Variants in PTPRD observed in about 807,000 individuals in gnomAD.
PTPRD encodes the protein receptor-type tyrosine-protein phosphatase delta.
PTPRD carries 34 observed loss-of-function variants against 214.5 expected under a neutral mutation model. That is an observed-to-expected ratio of 0.16 (90% CI 0.12 to 0.21). The LOEUF (loss-of-function observed/expected upper bound fraction) is 0.21, where lower values mean the gene tolerates loss of function less well. Among genes scored for constraint, PTPRD ranks in the 10% least tolerant of loss-of-function variants. PTPRD has a pLI of 1.00. For missense variants in PTPRD, 2,545 were observed against 2,398.7 expected (o/e 1.06, Z -1.27); for synonymous variants, 1,128 against 845.7 (o/e 1.33, Z -5.79).
intron 8 of PTPRD, among the ~76,000 whole-genome samples, chr9:9,423,615 C>T (rs1418057507): frequency 6.6e-6 from 1 of 152,046 alleles, no homozygotes; most frequent in Non-Finnish European, 1.5e-5. Flanking sequence ...CAGATACGCA[C>T]TGAAAGTAAA....
chr9:9,432,904 T>C (rs1196561650), intron 8 of PTPRD, among the ~76,000 whole-genome samples: 1 of 152,112 alleles, frequency 6.6e-6, no homozygotes, highest in Non-Finnish European at 1.5e-5. Context: ...TCGTTATAAT[T>C]CCCAGAGTTG....
chr9:8,782,654 G>A (rs555955973), intron 11 of PTPRD, among the ~76,000 whole-genome samples: 3 of 147,316 alleles, frequency 2.0e-5, no homozygotes, highest in South Asian at 2.1e-4. Context: ...CTGAAGTGCA[G>A]TGGCACAATC....
At chr9:9,984,430 G>A (rs2095640856) in intron 4 of PTPRD, among the ~76,000 whole-genome samples, 1 of 152,178 alleles carries the variant, frequency 6.6e-6, no homozygotes, top group Non-Finnish European at 1.5e-5. Flanking sequence ...TAACCCACAG[G>A]ATGACAGAGA....
Position 9,890,837 on chromosome 9 carries a change from A to G in PTPRD, c.-368+47670T>C, listed in dbSNP as rs570132516. On this transcript the variant is annotated intron_variant, in intron 5 of 45. Coordinates refer to ENST00000381196, the MANE Select transcript of PTPRD (RefSeq NM_002839.4). ...TCTCCAATGATGCCTCTTAAACACT[A>G]TATCCTTCAGACACTCCTGAATCTC... Among the ~76,000 whole-genome samples the G allele has an allele frequency of 2.6e-5, 4 of 152,228 alleles. No homozygotes were observed. The South Asian group carries it at 6.2e-4, about 24-fold the overall frequency.
intron 2 of PTPRD, among the ~76,000 whole-genome samples, chr9:10,603,081 C>G (rs375661992): frequency 2.0e-5 from 3 of 151,728 alleles, no homozygotes; most frequent in Admixed American, 1.3e-4. Flanking sequence ...TAAAATCTGA[C>G]GCCAAGAGGC....
rs1020246831 is a variant in PTPRD at position 8,820,792 on chromosome 9, G to C, written c.-103-86846C>G. ...TCTGGACTCACACAAGACTCAAAGA[G>C]TAGAGTCACAGAATACCTCTATATT... On this transcript the variant is annotated intron_variant, in intron 11 of 45. Transcript: ENST00000381196. Among the ~76,000 whole-genome samples the C allele has an allele frequency of 1.3e-4, 20 of 152,100 alleles. 1 individual carries two copies. Among genetic ancestry groups the C allele is most frequent in the African/African-American group, 4.6e-4 (19 of 41,416 alleles).
intron 11 of PTPRD, among the ~76,000 whole-genome samples, chr9:8,735,163 T>TTA (rs1565662836): frequency 6.8e-6 from 1 of 146,892 alleles, no homozygotes; most frequent in Non-Finnish European, 1.5e-5. Flanking sequence ...TTTTTTTTTT[T>TTA]GAGACAGTCT....
intron 3 of PTPRD, among the ~76,000 whole-genome samples, chr9:10,149,034 C>T (rs2154275917): frequency 6.6e-6 from 1 of 152,208 alleles, no homozygotes. Context: ...CTCAGAAAAG[C>T]AGTTCATTCA....
intron 9 of PTPRD, among the ~76,000 whole-genome samples, chr9:9,323,513 T>C (rs1967812935): frequency 6.6e-6 from 1 of 152,174 alleles, no homozygotes; most frequent in African/African-American, 2.4e-5. Context: ...CCATTTTTAA[T>C]AGTCTATTTT....
intron 12 of PTPRD, among the ~76,000 whole-genome samples, chr9:8,695,225 T>A (rs1444719878): frequency 1.8e-4 from 28 of 152,174 alleles, no homozygotes; most frequent in Admixed American, 1.8e-3. Flanking sequence ...GCCAATCTTG[T>A]GAGTAAATAA....
intron 44 of PTPRD, among the ~76,000 whole-genome samples, chr9:8,329,808 G>GTGAGGGTAAAACAAAC (rs1837926228): frequency 2.0e-5 from 3 of 152,118 alleles, no homozygotes; most frequent in Non-Finnish European, 4.4e-5. Flanking sequence ...TGTTTACACT[G>GTGAGGGTAAAACAAAC]TGAGGGTAAA....
chr9:10,465,127 A>G (rs4740452), intron 2 of PTPRD, among the ~76,000 whole-genome samples: 16,338 of 152,178 alleles, frequency 0.11, 1,168 homozygotes, highest in East Asian at 0.33. Flanking sequence ...ATTAATTCCC[A>G]CTAATAACAA....
At chr9:10,153,743 T>C (rs2099076519) in intron 3 of PTPRD, among the ~76,000 whole-genome samples, 1 of 152,156 alleles carries the variant, frequency 6.6e-6, no homozygotes, top group Non-Finnish European at 1.5e-5. Context: ...TTATGTGTTC[T>C]CATCATTTAG....
At chr9:9,778,483 C>T (rs774458566) in intron 5 of PTPRD, among the ~76,000 whole-genome samples, 3 of 152,126 alleles carry the variant, frequency 2.0e-5, no homozygotes, top group Admixed American at 6.5e-5. Context: ...GGGAACTCCC[C>T]GATTCCCGGA....
At chr9:8,730,231 A>C (rs894009242) in intron 12 of PTPRD, among the ~76,000 whole-genome samples, 1 of 152,162 alleles carries the variant, frequency 6.6e-6, no homozygotes. Flanking sequence ...ACTCCAGCCT[A>C]GGCGACTGAG....
intron 10 of PTPRD, among the ~76,000 whole-genome samples, chr9:9,091,721 C>A (rs114389351): frequency 1.8e-3 from 270 of 152,272 alleles, no homozygotes; most frequent in African/African-American, 6.0e-3. Flanking sequence ...CACAAGGAAA[C>A]TAAACAAAAC....
At chr9:8,868,664 A>C (rs2098242008) in intron 11 of PTPRD, among the ~76,000 whole-genome samples, 1 of 152,128 alleles carries the variant, frequency 6.6e-6, no homozygotes, top group Non-Finnish European at 1.5e-5. Flanking sequence ...ATTCTTTGTG[A>C]AAGTGCTTTT....
At chr9:8,796,966 T>C (rs912001925) in intron 11 of PTPRD, among the ~76,000 whole-genome samples, 4 of 152,108 alleles carry the variant, frequency 2.6e-5, no homozygotes, top group Non-Finnish European at 4.4e-5. Flanking sequence ...AATTGAATAA[T>C]CCAAGTAAAA....
intron 7 of PTPRD, among the ~76,000 whole-genome samples, chr9:9,610,733 C>G (rs1313527327): frequency 6.6e-6 from 1 of 151,832 alleles, no homozygotes; most frequent in Non-Finnish European, 1.5e-5. Context: ...TTCTGATTAC[C>G]TTTTTTTAAT....
Sources: allele counts gnomAD v4.1 joint callset (sites outside exome capture counted in the v4.1 genomes callset), GRCh38; gene constraint gnomAD v4.1.1; transcripts MANE v1.5; gene names NCBI Gene and HGNC (gene_info 2026-07-23, HGNC 2026-07-21).